The following AFG2A variants were observed in gnomAD, a reference collection of about 807,000 sequenced individuals.
AFG2A encodes the protein AAA ATPase AFG2A.
chr4:123,220,341 G>T, the AFG2A span, among the ~76,000 whole-genome samples: 7 of 152,020 alleles, frequency 4.6e-5, no homozygotes, highest in Non-Finnish European at 8.8e-5. Flanking sequence ...GCCTGGTGGG[G>T]TGGCTCATGC....
chr4:123,179,058 C>T, the AFG2A span, among the ~76,000 whole-genome samples: 8 of 152,192 alleles, frequency 5.3e-5, no homozygotes, highest in Admixed American at 1.3e-4. Context: ...ATATCATTTA[C>T]GTTTTCTACA....
chr4:123,024,185 C>G, the AFG2A span, among the ~76,000 whole-genome samples: 1 of 141,670 alleles, frequency 7.1e-6, no homozygotes. Flanking sequence ...ATGAGAAGGT[C>G]TTGGATCTAG....
At chr4:123,027,601 A>G in the AFG2A span, among the ~76,000 whole-genome samples, 27 of 152,142 alleles carry the variant, frequency 1.8e-4, no homozygotes, top group African/African-American at 6.5e-4. Context: ...TCTTTAACGC[A>G]TGGATTCCTG....
the AFG2A span, among the ~76,000 whole-genome samples, chr4:123,168,550 C>G: frequency 6.6e-6 from 1 of 152,066 alleles, no homozygotes; most frequent in African/African-American, 2.4e-5. Context: ...GAGTAGTCCT[C>G]ATTTCCCCCT....
At chr4:123,133,686 CTA>C in the AFG2A span, among the ~76,000 whole-genome samples, 1 of 152,192 alleles carries the variant, frequency 6.6e-6, no homozygotes, top group East Asian at 1.9e-4. Flanking sequence ...TCTTAAATGG[CTA>C]TACTAATTTA....
the AFG2A span, among the ~76,000 whole-genome samples, chr4:123,246,442 C>T: frequency 2.6e-5 from 4 of 152,282 alleles, no homozygotes; most frequent in South Asian, 8.3e-4. Flanking sequence ...TCATTAAAAA[C>T]CTGCAATTTG....
chr4:123,047,734 ACT>A, the AFG2A span, among the ~76,000 whole-genome samples: 2 of 149,164 alleles, frequency 1.3e-5, no homozygotes, highest in Non-Finnish European at 3.0e-5. Context: ...ACAGGGTCTC[ACT>A]CTGTCACCCA....
the AFG2A span, among the ~76,000 whole-genome samples, chr4:123,072,953 G>A: frequency 6.6e-6 from 1 of 152,046 alleles, no homozygotes; most frequent in South Asian, 2.1e-4. Flanking sequence ...CAAAAATTGT[G>A]TGTACAATGT....
chr4:123,273,840 A>G, the AFG2A span, among the ~76,000 whole-genome samples: 7 of 152,204 alleles, frequency 4.6e-5, no homozygotes, highest in Non-Finnish European at 1.0e-4. Flanking sequence ...GTATATGCAG[A>G]TATTCCACAA....
the AFG2A span, among the ~76,000 whole-genome samples, chr4:122,930,922 T>C: frequency 2.1e-5 from 3 of 139,826 alleles, no homozygotes; most frequent in Non-Finnish European, 3.1e-5. Flanking sequence ...TTTTAAAAAA[T>C]CTTATGTTTT....
chr4:122,979,171 C>T, the AFG2A span: 2 of 1,556,956 alleles, frequency 1.3e-6, no homozygotes, highest in African/African-American at 2.7e-5. Context: ...CCGGAGCCAT[C>T]AATTCAGTCT....
chr4:122,996,983 A>G, the AFG2A span, among the ~76,000 whole-genome samples: 1 of 152,168 alleles, frequency 6.6e-6, no homozygotes, highest in Non-Finnish European at 1.5e-5. Flanking sequence ...GTGCCTGCCC[A>G]CATTGAGGGC....
chr4:123,136,705 G>C, the AFG2A span, among the ~76,000 whole-genome samples: 2 of 151,496 alleles, frequency 1.3e-5, no homozygotes, highest in African/African-American at 4.9e-5. Flanking sequence ...AGCTGGGCGT[G>C]GTGGCACATT....
chr4:123,103,661 T>C, the AFG2A span, among the ~76,000 whole-genome samples: 3 of 152,156 alleles, frequency 2.0e-5, no homozygotes, highest in African/African-American at 4.8e-5. Context: ...CCTAGGTATT[T>C]ACCCAAGAAA....
the AFG2A span, among the ~76,000 whole-genome samples, chr4:123,059,834 A>G: frequency 1.3e-5 from 2 of 151,914 alleles, no homozygotes; most frequent in Admixed American, 6.6e-5. Context: ...TGACTTTTTA[A>G]TGATCGCCAT....
the AFG2A span, among the ~76,000 whole-genome samples, chr4:123,165,144 C>T: frequency 6.6e-6 from 1 of 151,868 alleles, no homozygotes; most frequent in Non-Finnish European, 1.5e-5. Flanking sequence ...TTATTATTCC[C>T]TTTATATGAA....
At chr4:123,210,946 C>T in the AFG2A span, among the ~76,000 whole-genome samples, 104,417 of 151,868 alleles carry the variant, frequency 0.69, 36,350 homozygotes, top group Non-Finnish European at 0.73. Context: ...GTGAATAGTA[C>T]CACTGTAGTA....
chr4:123,240,925 A>G, the AFG2A span, among the ~76,000 whole-genome samples: 2 of 152,172 alleles, frequency 1.3e-5, no homozygotes, highest in African/African-American at 4.8e-5. Context: ...AATGAAATAG[A>G]CGCAATAAAA....
the AFG2A span, among the ~76,000 whole-genome samples, chr4:123,206,772 T>TC: frequency 3.0e-4 from 46 of 152,310 alleles, no homozygotes; most frequent in South Asian, 7.0e-3. Flanking sequence ...TTCTTTTTTT[T>TC]CTCATCTGAC....
Sources: gnomAD v4.1 joint callset for allele counts (sites outside exome capture counted in the v4.1 genomes callset) on GRCh38, gnomAD v4.1.1 for gene constraint, MANE v1.5 for transcripts, NCBI Gene and HGNC (gene_info 2026-07-23, HGNC 2026-07-21) for gene names.